The following UBR3 variants were observed in gnomAD, a reference collection of about 807,000 sequenced individuals.
UBR3 encodes the protein E3 ubiquitin-protein ligase UBR3.
Under a neutral mutation model 243.2 loss-of-function variants are expected in UBR3, and 85 were observed. That is an observed-to-expected ratio of 0.35 (90% CI 0.29 to 0.42). The LOEUF is 0.42. Among genes scored for constraint, UBR3 ranks in the 10% least tolerant of loss-of-function variants. The probability of loss-of-function intolerance (pLI) is 1.00; values close to 1 mark genes in which losing one functional copy is unlikely to be tolerated. For missense variants in UBR3, 1,686 were observed against 2,300.8 expected (o/e 0.73, Z 5.47); for synonymous variants, 748 against 799.8 (o/e 0.94, Z 1.09).
chr2:169,888,935 T>TA (rs1465724061), intron 5 of UBR3, among the ~76,000 whole-genome samples: 2 of 152,198 alleles, frequency 1.3e-5, no homozygotes, highest in Non-Finnish European at 2.9e-5. Flanking sequence ...TTTGCCATTA[T>TA]AAATAACATT....
At chr2:169,998,349 AT>A (rs2089572243) in intron 26 of UBR3, among the ~76,000 whole-genome samples, 1 of 152,194 alleles carries the variant, frequency 6.6e-6, no homozygotes, top group Non-Finnish European at 1.5e-5. Flanking sequence ...AATCTTTTTT[AT>A]AAAAAGTCTC....
intron 24 of UBR3, among the ~76,000 whole-genome samples, chr2:169,973,787 G>A (rs1006126356): frequency 6.6e-6 from 1 of 152,124 alleles, no homozygotes. Context: ...GTTCTTGGAG[G>A]AAAAGCTTTC....
rs11388865 is a variant in UBR3 at position 169,908,821 on chromosome 2, CTTTTTTT to C, written c.1779+2671_1779+2677del. 4.8e-5 allele frequency among the ~76,000 whole-genome samples: 6 copies of C among 124,036 alleles called. 1 individual carries two copies. The South Asian group carries it at 1.0e-3, about 21-fold the overall frequency. 81.4% of individuals were successfully genotyped at this position (124,036 alleles called of 152,430 possible). A position where few individuals can be genotyped will look rare whatever the true frequency, so the allele number is the denominator to read the frequency against. ...ACCTTCAGTAGGAAAGTGATTGGTC[CTTTTTTT>C]TTTTTTTTTTTTTGAGACGTAGTCT... is the stretch of plus-strand genomic sequence containing the variant. On this transcript the variant is annotated intron_variant, in intron 10 of 38. Coordinates refer to ENST00000272793, the MANE Select transcript of UBR3 (RefSeq NM_172070.4).
intron 23 of UBR3, among the ~76,000 whole-genome samples, chr2:169,957,110 C>T (rs896891519): frequency 1.3e-5 from 2 of 152,144 alleles, no homozygotes; most frequent in Non-Finnish European, 2.9e-5. Flanking sequence ...TCCTCTCCTT[C>T]ACTTCTTGTT....
chr2:169,842,219 G>A (rs1384497396), intron 1 of UBR3, among the ~76,000 whole-genome samples: 1 of 152,122 alleles, frequency 6.6e-6, no homozygotes, highest in African/African-American at 2.4e-5. Context: ...TGCACCAATC[G>A]ACACTCTGTA....
intron 5 of UBR3, among the ~76,000 whole-genome samples, chr2:169,890,555 A>ATATCTATGTGTGTATATATATATG (rs1574134205): frequency 1.4e-5 from 1 of 71,442 alleles, no homozygotes; most frequent in African/African-American, 6.7e-5. Flanking sequence ...ATATATATAT[A>ATATCTATGTGTGTATATATATATG]TATATATATG....
At chr2:169,865,653 T>G (rs2083233195) in intron 1 of UBR3, among the ~76,000 whole-genome samples, 1 of 152,248 alleles carries the variant, frequency 6.6e-6, no homozygotes, top group African/African-American at 2.4e-5. Context: ...TAATCCTTTC[T>G]CTTTCTGCTT....
rs184912133 is a variant in UBR3 at position 169,845,292 on chromosome 2, G to A, written c.545+17240G>A. Among the ~76,000 whole-genome samples the A allele has an allele frequency of 1.3e-4, 20 of 151,734 alleles. No homozygotes were observed. In the South Asian group the frequency reaches 3.3e-3, roughly 25 times the overall value. Reference sequence around the variant, plus strand: ...AGAAAAATTAGCCAGGCATGGTGGCGTGTGCCTGTAGTCCCAGCTACTCAG... The same window carrying A: ...AGAAAAATTAGCCAGGCATGGTGGCATGTGCCTGTAGTCCCAGCTACTCAG... On this transcript the variant is annotated intron_variant, in intron 1 of 38. Transcript: ENST00000272793.
chr2:169,828,570 C>A (rs927491361), intron 1 of UBR3, among the ~76,000 whole-genome samples: 2 of 151,746 alleles, frequency 1.3e-5, no homozygotes, highest in African/African-American at 4.8e-5. Flanking sequence ...TTCTGAACTG[C>A]CAGTGTGTCT....
chr2:169,833,390 T>C (rs934301228), intron 1 of UBR3, among the ~76,000 whole-genome samples: 6 of 152,216 alleles, frequency 3.9e-5, no homozygotes, highest in Admixed American at 3.9e-4. Context: ...TCCTCACATA[T>C]TCTAAGCTCC....
intron 35 of UBR3, among the ~76,000 whole-genome samples, chr2:170,072,744 T>A (rs1357451050): frequency 6.6e-6 from 1 of 152,118 alleles, no homozygotes; most frequent in Non-Finnish European, 1.5e-5. Context: ...TAGGAATTGA[T>A]TCTGTGGACA....
chr2:170,024,878 G>A (rs1055385949), intron 30 of UBR3, among the ~76,000 whole-genome samples: 11 of 152,276 alleles, frequency 7.2e-5, no homozygotes, highest in African/African-American at 2.4e-4. Flanking sequence ...TATCCCAGGT[G>A]AGTTGTCGCA....
chr2:169,942,462 A>G, intron 19 of UBR3, 31 bp from the exon 20 acceptor site: 5 of 1,522,318 alleles, frequency 3.3e-6, no homozygotes, highest in Non-Finnish European at 4.4e-6. Flanking sequence ...TGAGGCTATC[A>G]TCTAATTCTA....
intron 5 of UBR3, among the ~76,000 whole-genome samples, chr2:169,880,654 C>G (rs1312237577): frequency 1.3e-5 from 2 of 152,124 alleles, no homozygotes; most frequent in African/African-American, 2.4e-5. Context: ...TTTTGAATCT[C>G]TTCTAGAAGT....
intron 31 of UBR3, among the ~76,000 whole-genome samples, chr2:170,031,649 C>T (rs1202124885): frequency 6.6e-6 from 1 of 151,920 alleles, no homozygotes; most frequent in Non-Finnish European, 1.5e-5. Context: ...GAGCATAGTA[C>T]CCAATAGTTT....
At chr2:169,989,724 G>A (rs534573935) in intron 25 of UBR3, among the ~76,000 whole-genome samples, 1 of 152,288 alleles carries the variant, frequency 6.6e-6, no homozygotes, top group African/African-American at 2.4e-5. Context: ...TATTGAGATA[G>A]TGGGGTTTAA....
chr2:170,084,017 A>G lies in UBR3; in HGVS notation c.*2174A>G, dbSNP rs1399219031. The G allele has an allele frequency of 1.3e-5, 2 of 152,630 alleles. No individual in the cohort carries two copies. The highest frequency in any genetic ancestry group is 4.8e-5 in the African/African-American group (2 of 41,452). The allele number at this position is 152,630 out of a possible 1,614,324, so 9.5% of individuals were successfully genotyped here. A position where few individuals can be genotyped will look rare whatever the true frequency, so the allele number is the denominator to read the frequency against. ...TCATTTAAATACAGTACATTACTGT[A>G]GAAGCTAAATTGATCTTTATAATTA... On this transcript the variant is annotated 3_prime_UTR_variant, in exon 39 of 39. Coordinates refer to ENST00000272793, the MANE Select transcript of UBR3 (RefSeq NM_172070.4).
At chr2:169,937,377 G>T (rs1414073921) in intron 19 of UBR3, among the ~76,000 whole-genome samples, 1 of 152,154 alleles carries the variant, frequency 6.6e-6, no homozygotes. Context: ...TTGTAAATTT[G>T]TTTAAGTTCT....
intron 1 of UBR3, among the ~76,000 whole-genome samples, chr2:169,858,314 TC>T (rs796628389): frequency 8.5e-5 from 13 of 152,318 alleles, no homozygotes; most frequent in African/African-American, 3.1e-4. Flanking sequence ...TTGAAAAACT[TC>T]CTTTAATATT....
Sources: allele counts gnomAD v4.1 joint callset (sites outside exome capture counted in the v4.1 genomes callset), GRCh38; gene constraint gnomAD v4.1.1; transcripts MANE v1.5; gene names NCBI Gene and HGNC (gene_info 2026-07-23, HGNC 2026-07-21).